Variants in TSPAN9 observed in about 807,000 individuals in gnomAD.
The protein encoded by TSPAN9 is tetraspanin 9.
TSPAN9 carries 16 observed loss-of-function variants against 31.0 expected under a neutral mutation model. The observed-to-expected ratio is 0.52, with a 90% CI of 0.35 to 0.78. The LOEUF (loss-of-function observed/expected upper bound fraction) is 0.78. Among genes scored for constraint, TSPAN9 ranks in the 30% least tolerant of loss-of-function variants. The pLI is 0.01. For missense variants in TSPAN9, 272 were observed against 312.5 expected, an observed-to-expected ratio of 0.87 and a Z score of 0.98; for synonymous variants, 145 against 121.6, an observed-to-expected ratio of 1.19 and a Z score of -1.27.
chr12:3,158,721 C>CAA (rs765787475), intron 2 of TSPAN9, among the ~76,000 whole-genome samples: 17,712 of 57,724 alleles, frequency 0.31, 3,844 homozygotes, highest in African/African-American at 0.32. Context: ...GACTCTGTCT[C>CAA]AAAAAAAAAA....
chr12:3,119,588 C>T (rs1047185440), intron 2 of TSPAN9, among the ~76,000 whole-genome samples: 4 of 152,196 alleles, frequency 2.6e-5, no homozygotes, highest in Non-Finnish European at 5.9e-5. Flanking sequence ...CCGTCCTGCC[C>T]CTGCCCGGAG....
intron 2 of TSPAN9, among the ~76,000 whole-genome samples, chr12:3,177,224 ACCT>A (rs1191988940): frequency 6.7e-6 from 1 of 149,500 alleles, no homozygotes; most frequent in Non-Finnish European, 1.5e-5. Context: ...TGCCAGCTCC[ACCT>A]CCTGGGTTCA....
At position 3,280,338 on chromosome 12, in the gene TSPAN9, GCGT is replaced by G; in HGVS notation, c.331-42_331-40del. On this transcript the variant is annotated intron_variant, in intron 5 of 8. Transcript: ENST00000011898. This position sits in a 1 kb window ranked among gnomAD's most constrained non-coding sequence, Gnocchi z 4.5. ...CTGAGGTGGGCTGGAGAGACGAGCT[GCGT>G]CCTGGTTCCAACCGTCTCACTGTGT... 1 of 1,580,870 alleles carries G rather than the reference GCGT, an allele frequency of 6.3e-7. No homozygotes were observed.
At chr12:3,264,549 G>T (rs1304943868) in intron 3 of TSPAN9, among the ~76,000 whole-genome samples, 1 of 152,210 alleles carries the variant, frequency 6.6e-6, no homozygotes, top group South Asian at 2.1e-4. Context: ...CGCTGCTGCA[G>T]GCCTGGGTGG....
At chr12:3,281,458 A>C in intron 7 of TSPAN9, 129 bp downstream of exon 7, 1 of 1,357,610 alleles carries the variant, frequency 7.4e-7, no homozygotes, top group Non-Finnish European at 9.7e-7. Flanking sequence ...GGGGGCTCAC[A>C]AAAATAAAGC....
intron 3 of TSPAN9, among the ~76,000 whole-genome samples, chr12:3,248,589 G>A (rs1011446567): frequency 8.7e-5 from 13 of 150,174 alleles, no homozygotes; most frequent in African/African-American, 2.2e-4. Context: ...GCATTTTTAC[G>A]TCCATTACAC....
chr12:3,279,168 C>G (rs777593169), intron 5 of TSPAN9, 102 bp downstream of exon 5: 13 of 1,017,994 alleles, frequency 1.3e-5, no homozygotes, highest in Non-Finnish European at 2.0e-5. Context: ...AGAGTGCTGG[C>G]AAGCAGCACC....
intron 2 of TSPAN9, among the ~76,000 whole-genome samples, chr12:3,145,947 C>T (rs1393744891): frequency 6.6e-5 from 10 of 152,246 alleles, no homozygotes; most frequent in Admixed American, 6.5e-5. Flanking sequence ...GACAGATGGG[C>T]TGCAGGCACT....
chr12:3,118,421 C>A (rs888241921), intron 2 of TSPAN9, among the ~76,000 whole-genome samples: 10 of 151,522 alleles, frequency 6.6e-5, no homozygotes, highest in Admixed American at 6.6e-4. Context: ...ACCATCATGC[C>A]CGGCTAATTT....
chr12:3,088,297 AAGCCAGAGTTTGG>A (rs1321535829), intron 2 of TSPAN9, among the ~76,000 whole-genome samples: 4 of 152,258 alleles, frequency 2.6e-5, no homozygotes, highest in Non-Finnish European at 5.9e-5. Context: ...ATTAGGTTTG[AAGCCAGAGTTTGG>A]ATTTGTTCGA....
intron 3 of TSPAN9, among the ~76,000 whole-genome samples, chr12:3,217,701 T>TCCCTTCAC (rs564542226): frequency 1.4e-4 from 22 of 152,264 alleles, no homozygotes; most frequent in South Asian, 1.0e-3. Context: ...GCTGCCTGCA[T>TCCCTTCAC]CCCTTCACCC....
At chr12:3,094,056 C>T (rs1482968943) in intron 2 of TSPAN9, among the ~76,000 whole-genome samples, 2 of 152,048 alleles carry the variant, frequency 1.3e-5, no homozygotes, top group South Asian at 2.1e-4. Context: ...GAGATGGGGT[C>T]GCACTATGTT....
At chr12:3,109,373 G>A (rs959837632) in intron 2 of TSPAN9, among the ~76,000 whole-genome samples, 2 of 150,634 alleles carry the variant, frequency 1.3e-5, no homozygotes, top group Non-Finnish European at 2.9e-5. Context: ...TTCTTCAGAA[G>A]TCTAGTGATC....
chr12:3,127,436 A>G (rs1413307323), intron 2 of TSPAN9, among the ~76,000 whole-genome samples: 1 of 151,920 alleles, frequency 6.6e-6, no homozygotes, highest in Non-Finnish European at 1.5e-5. Context: ...GCTCACTGCA[A>G]GCTCCGTCTC....
chr12:3,216,998 A>G (rs1044246726), intron 3 of TSPAN9, among the ~76,000 whole-genome samples: 1 of 152,212 alleles, frequency 6.6e-6, no homozygotes, highest in Non-Finnish European at 1.5e-5. Context: ...AGTTGGAGGA[A>G]GGGCTGGAGA....
intron 2 of TSPAN9, among the ~76,000 whole-genome samples, chr12:3,095,142 C>T (rs1209737129): frequency 9.6e-6 from 1 of 104,276 alleles, no homozygotes; most frequent in African/African-American, 3.9e-5. Context: ...ATCCATTCAA[C>T]CCTGAGTGGA....
intron 3 of TSPAN9, among the ~76,000 whole-genome samples, chr12:3,233,447 T>C (rs2098391830): frequency 6.6e-6 from 1 of 152,212 alleles, no homozygotes; most frequent in South Asian, 2.1e-4. Context: ...GCCTTTTGCC[T>C]TTTTATGTAA....
intron 2 of TSPAN9, among the ~76,000 whole-genome samples, chr12:3,105,606 C>T (rs1490203037): frequency 1.3e-5 from 2 of 151,854 alleles, no homozygotes; most frequent in Non-Finnish European, 2.9e-5. Context: ...GGGGGTGCTT[C>T]CTTTTCTGTT....
At chr12:3,151,991 A>G (rs1482508717) in intron 2 of TSPAN9, among the ~76,000 whole-genome samples, 1 of 152,260 alleles carries the variant, frequency 6.6e-6, no homozygotes, top group African/African-American at 2.4e-5. Context: ...ATCAGGCGTA[A>G]GTAAATTTCC....
Sources: gnomAD v4.1 joint callset for allele counts (sites outside exome capture counted in the v4.1 genomes callset) on GRCh38, gnomAD v4.1.1 for gene constraint, Gnocchi (gnomAD v3.1) non-coding constraint, MANE v1.5 for transcripts, NCBI Gene and HGNC (gene_info 2026-07-23, HGNC 2026-07-21) for gene names.